PATZ1: variants seen among roughly 807,000 people sequenced by gnomAD.
The protein encoded by PATZ1 is POZ/BTB and AT hook containing zinc finger 1.
In PATZ1, 9 loss-of-function variants were observed where a neutral mutation model predicts 46.2. That is an observed-to-expected ratio of 0.19 (90% CI 0.12 to 0.34). The LOEUF is 0.34. Ranked by LOEUF, PATZ1 falls within the 10% of genes least tolerant of loss-of-function variation. PATZ1 has a pLI of 1.00. For synonymous variants in PATZ1, 426 were observed against 378.6 expected, an observed-to-expected ratio of 1.13 and a Z score of -1.45; for missense variants, 632 against 923.0, an observed-to-expected ratio of 0.68 and a Z score of 4.08.
intron 1 of PATZ1, 75 bp downstream of exon 1, chr22:31,344,257 C>A: frequency 1.5e-6 from 2 of 1,351,602 alleles, no homozygotes; most frequent in South Asian, 2.8e-5. Context: ...AATCCCACAC[C>A]CCCAGATCTT....
chr22:31,342,286 AG>A (rs2049592339), intron 2 of PATZ1, among the ~76,000 whole-genome samples: 1 of 152,166 alleles, frequency 6.6e-6, no homozygotes. Context: ...TACTTTGCAA[AG>A]AGCTAAAAGA....
chr22:31,336,716 G>A (rs2049514035), intron 2 of PATZ1, among the ~76,000 whole-genome samples: 1 of 148,610 alleles, frequency 6.7e-6, no homozygotes, highest in South Asian at 2.1e-4. Flanking sequence ...TGAGGCAGGA[G>A]AATCACTTGA....
chr22:31,331,250 A>G (rs977329264), intron 3 of PATZ1, among the ~76,000 whole-genome samples: 1 of 152,204 alleles, frequency 6.6e-6, no homozygotes, highest in East Asian at 1.9e-4. Flanking sequence ...CCTAAAACAA[A>G]GCAGAACCAG....
At chr22:31,338,701 G>T (rs1166562624) in intron 2 of PATZ1, among the ~76,000 whole-genome samples, 1 of 152,198 alleles carries the variant, frequency 6.6e-6, no homozygotes, top group Non-Finnish European at 1.5e-5. Flanking sequence ...TGGTGAGAGA[G>T]GGTGTGTTCT....
At chr22:31,343,275 C>G in intron 1 of PATZ1, 1 of 1,103,514 alleles carries the variant, frequency 9.1e-7, no homozygotes, top group South Asian at 2.7e-5. Flanking sequence ...TAGAATGAAA[C>G]AGAGCTGCCT....
At chr22:31,329,838 T>C (rs2049416245) in intron 3 of PATZ1, among the ~76,000 whole-genome samples, 6 of 152,218 alleles carry the variant, frequency 3.9e-5, no homozygotes. Context: ...TAAAAGGATT[T>C]TGACTTGGGT....
Position 31,345,757 on chromosome 22 carries a change from C to G in PATZ1, c.-155G>C. 1.4e-6 allele frequency: 1 copy of G among 730,592 alleles called. No individual in the cohort carries two copies. Among genetic ancestry groups the G allele is most frequent in the Non-Finnish European group, 2.2e-6 (1 of 461,282 alleles). The allele number at this position is 730,592 out of a possible 1,614,324, so 45.3% of individuals were successfully genotyped here. A position where few individuals can be genotyped will look rare whatever the true frequency, so the allele number is the denominator to read the frequency against. The stretch of plus-strand genomic sequence containing the variant: ...CTCGCAGGTGCGCCGAGTGTACACG[C>G]CCCCAGCCCGGATCAGACTGTCTAG... On this transcript the variant is annotated 5_prime_UTR_variant, in exon 1 of 5. Transcript: ENST00000266269. The surrounding 1 kb of genome is among the most constrained non-coding windows in gnomAD (Gnocchi z 7.4).
intron 1 of PATZ1, chr22:31,343,244 T>C (rs909836969): frequency 3.4e-6 from 4 of 1,182,444 alleles, no homozygotes; most frequent in Non-Finnish European, 4.2e-6. Context: ...CAGTGTTTTC[T>C]AGGACCAGAG....
In PATZ1 at chr22:31,327,563, A is replaced by G. The variant is rs1444585364; in HGVS notation, c.1646-254T>C. On this transcript the variant is annotated intron_variant, in intron 4 of 4. Coordinates refer to ENST00000266269, the MANE Select transcript of PATZ1 (RefSeq NM_014323.3). The surrounding 1 kb of genome is among the most constrained non-coding windows in gnomAD (Gnocchi z 4.2). The stretch of plus-strand genomic sequence containing the variant: ...TCATGCAGCTGCACATGTACTGCTC[A>G]CCGTCATCTCAGCCTGCTTCAAGGA... Among the ~76,000 whole-genome samples the G allele has an allele frequency of 6.6e-6, 1 of 152,106 alleles. No homozygotes were observed. The highest frequency in any genetic ancestry group is 1.9e-4 in the East Asian group (1 of 5,180).
At chr22:31,338,171 G>C (rs536203985) in intron 2 of PATZ1, 2 of 152,744 alleles carry the variant, frequency 1.3e-5, no homozygotes, top group African/African-American at 4.8e-5. Context: ...CCACACCCAG[G>C]CCAGTACTTT....
chr22:31,337,955 G>A (rs894769322), intron 2 of PATZ1: 3 of 152,232 alleles, frequency 2.0e-5, no homozygotes, highest in South Asian at 4.1e-4. Context: ...ATCTGTGTAC[G>A]TTAGCACAGC....
intron 2 of PATZ1, among the ~76,000 whole-genome samples, chr22:31,339,338 T>C (rs1200841364): frequency 6.6e-6 from 1 of 152,132 alleles, no homozygotes; most frequent in Admixed American, 6.5e-5. Flanking sequence ...CTGAAGTGAT[T>C]GTTGGCTTCT....
In PATZ1 at chr22:31,328,981, TC is replaced by T. The variant is rs199630055; in HGVS notation, c.1508-58del. The T allele has an allele frequency of 6.0e-5, 87 of 1,455,088 alleles. No homozygotes were observed. The African/African-American group carries it at 1.7e-3, about 28-fold the overall frequency. The allele number at this position is 1,455,088 out of a possible 1,614,324, so 90.1% of individuals were successfully genotyped here. A position where few individuals can be genotyped will look rare whatever the true frequency, so the allele number is the denominator to read the frequency against. ...GGCCAGCAAGAGATACCTCTCTCCTTCCCCCAACTCCTCTCCTCTGGCCGCT... is the reference window on the plus strand; with the variant it reads ...GGCCAGCAAGAGATACCTCTCTCCTTCCCCAACTCCTCTCCTCTGGCCGCT... On this transcript the variant is annotated intron_variant, in intron 3 of 4. Coordinates refer to ENST00000266269, the MANE Select transcript of PATZ1 (RefSeq NM_014323.3). This position sits in a 1 kb window ranked among gnomAD's most constrained non-coding sequence, Gnocchi z 4.8.
intron 3 of PATZ1, among the ~76,000 whole-genome samples, chr22:31,332,682 C>T (rs1044070584): frequency 1.3e-5 from 2 of 152,252 alleles, no homozygotes; most frequent in African/African-American, 4.8e-5. Flanking sequence ...TGGAGTGGGC[C>T]TACATAGCTT....
chr22:31,345,022 G>A lies in PATZ1; in HGVS notation c.581C>T (p.Ala194Val). 1 of 1,614,128 alleles carries A rather than the reference G, an allele frequency of 6.2e-7. No homozygotes were observed. Among genetic ancestry groups the A allele is most frequent in the Non-Finnish European group, 8.5e-7 (1 of 1,180,048 alleles). ...GATGCCATTGCTGTTGGCTGCCAAG[G>A]CTGCCCCGTTGGTCATGTCCAAAGG... ...GFPLDMTNGA[A>V]LAANSNGIAG... is the part of the protein sequence containing the mutation. Residue 194 changes from alanine (A) to valine (V), a missense_variant, in exon 1 of 5, where the codon GCC (alanine) becomes GTC (valine). By Grantham distance (64) the Ala-to-Val change is moderately conservative. Coordinates refer to ENST00000266269, the MANE Select transcript of PATZ1 (RefSeq NM_014323.3). This position sits in a 1 kb window ranked among gnomAD's most constrained non-coding sequence, Gnocchi z 7.4.
Position 31,326,052 on chromosome 22 carries a change from G to C in PATZ1, c.*839C>G. 1 of 216,974 alleles carries C rather than the reference G, an allele frequency of 4.6e-6. No individual in the cohort carries two copies. 13.4% of individuals were successfully genotyped at this position (216,974 alleles called of 1,614,324 possible). ...ACAATCAACTAGCCAAGTTAATTAT[G>C]GTACATCTAAACAAAGTTTAATACT... On this transcript the variant is annotated 3_prime_UTR_variant, in exon 5 of 5. Coordinates refer to ENST00000266269, the MANE Select transcript of PATZ1 (RefSeq NM_014323.3).
rs2049659910 is a variant in PATZ1 at position 31,346,243 on chromosome 22, C to T, written c.-641G>A. The T allele has an allele frequency of 1.3e-5, 2 of 156,072 alleles. No individual in the cohort carries two copies. Among genetic ancestry groups the T allele is most frequent in the African/African-American group, 2.4e-5 (1 of 41,106 alleles). 9.7% of individuals were successfully genotyped at this position (156,072 alleles called of 1,614,324 possible). On this transcript the variant is annotated 5_prime_UTR_variant, in exon 1 of 5. Coordinates refer to ENST00000266269, the MANE Select transcript of PATZ1 (RefSeq NM_014323.3). The stretch of plus-strand genomic sequence containing the variant: ...GGCGGCGGCTGGAGCGGGCGGGCGG[C>T]GGCGGCGGCAGAGTAGGCCCTTCCT...
rs714909 is a variant in PATZ1, at chr22:31,345,081, G to A, written c.522C>T (p.Leu174=). 0.26 allele frequency: 427,703 copies of A among 1,614,008 alleles called. 60,480 individuals carry two copies. The highest frequency in any genetic ancestry group is 0.29 in the Non-Finnish European group (339,567 of 1,179,922). Residue 174 remains leucine, a synonymous_variant, in exon 1 of 5, where the codon CTC becomes CTT. Coordinates refer to ENST00000266269, the MANE Select transcript of PATZ1 (RefSeq NM_014323.3). The surrounding 1 kb of genome is among the most constrained non-coding windows in gnomAD (Gnocchi z 7.4). ...AGTCCGAGGTCCCAGGGGGGCGAAA[G>A]AGCATTATATCGGCGCGGGCAGGGG... ...LVPPARADIM[L]FRPPGTSDLG... is the part of the protein sequence containing the mutation.
chr22:31,333,131 G>A (rs1015044648), intron 3 of PATZ1, among the ~76,000 whole-genome samples: 5 of 152,212 alleles, frequency 3.3e-5, no homozygotes, highest in Admixed American at 3.3e-4. Context: ...GGCTGCAGGA[G>A]TCAGGCTGCC....
Sources: allele counts gnomAD v4.1 joint callset (sites outside exome capture counted in the v4.1 genomes callset), GRCh38; gene constraint gnomAD v4.1.1; non-coding constraint Gnocchi (gnomAD v3.1); transcripts MANE v1.5; gene names NCBI Gene and HGNC (gene_info 2026-07-23, HGNC 2026-07-21).